The following CIT variants were observed in gnomAD, a reference collection of about 807,000 sequenced individuals.
CIT encodes the protein citron rho-interacting serine/threonine kinase.
CIT carries 79 observed loss-of-function variants against 272.7 expected under a neutral mutation model. The observed-to-expected ratio is 0.29, with a 90% confidence interval of 0.24 to 0.35. The LOEUF is 0.35. Among genes scored for constraint, CIT ranks in the 10% least tolerant of loss-of-function variants. The pLI, the probability that CIT is intolerant of heterozygous loss-of-function variation, is 1.00. For missense variants in CIT, 1,909 were observed against 2,618.3 expected, an observed-to-expected ratio of 0.73 and a Z score of 5.91; for synonymous variants, 948 against 995.6, an observed-to-expected ratio of 0.95 and a Z score of 0.90.
At chr12:119,814,479 T>C (rs1438428309) in intron 9 of CIT, among the ~76,000 whole-genome samples, 1 of 152,136 alleles carries the variant, frequency 6.6e-6, no homozygotes, top group Non-Finnish European at 1.5e-5. Context: ...TACTTTACCA[T>C]CCCATCCCTC....
chr12:119,702,171 C>T (rs1208135639), intron 41 of CIT, among the ~76,000 whole-genome samples: 2 of 151,464 alleles, frequency 1.3e-5, no homozygotes, highest in African/African-American at 4.9e-5. Context: ...GTGGTGTGAT[C>T]ATAGCTCACT....
At chr12:119,839,804 G>A (rs1015529516) in intron 5 of CIT, among the ~76,000 whole-genome samples, 1 of 152,086 alleles carries the variant, frequency 6.6e-6, no homozygotes, top group Admixed American at 6.6e-5. Context: ...AATAAACTTG[G>A]GATGATGAAG....
At chr12:119,720,966 T>A (rs57630280) in intron 29 of CIT, among the ~76,000 whole-genome samples, 3,685 of 152,164 alleles carry the variant, frequency 0.024, 149 homozygotes, top group African/African-American at 0.084. Context: ...TGCAGACTTA[T>A]TTATTTATTT....
intron 32 of CIT, 143 bp from the exon 33 acceptor site, chr12:119,714,477 T>A: frequency 2.5e-6 from 2 of 809,476 alleles, no homozygotes; most frequent in Non-Finnish European, 3.7e-6. Context: ...CATAAAGAAC[T>A]CTTACAACTC....
intron 18 of CIT, among the ~76,000 whole-genome samples, chr12:119,767,755 A>G (rs945503427): frequency 1.1e-4 from 16 of 152,212 alleles, no homozygotes; most frequent in African/African-American, 3.9e-4. Context: ...TAATGTTCAT[A>G]TGATACAATG....
chr12:119,802,923 C>A (rs1044686226), intron 10 of CIT, among the ~76,000 whole-genome samples: 3 of 152,188 alleles, frequency 2.0e-5, no homozygotes, highest in Non-Finnish European at 4.4e-5. Flanking sequence ...CCCACTCTCT[C>A]CCCTTTAAAG....
intron 3 of CIT, among the ~76,000 whole-genome samples, chr12:119,864,652 T>C (rs1221154679): frequency 6.6e-6 from 1 of 152,214 alleles, no homozygotes. Context: ...AGTTTTAGTA[T>C]AACACTGCTG....
In CIT at chr12:119,687,718, G is replaced by A. The variant is rs565163538; in HGVS notation, c.*514C>T. On this transcript the variant is annotated 3_prime_UTR_variant, in exon 48 of 48. Transcript: ENST00000392521. ...CACTATGCCTCGGTGGCAAAGACCT[G>A]ATGATGTGGTCGAGCTAAAAATGAC... 1 of 149,366 alleles carries A rather than the reference G, an allele frequency of 6.7e-6. No homozygotes were observed. The highest frequency in any genetic ancestry group is 1.4e-5 in the Non-Finnish European group (1 of 69,148). 9.3% of individuals were successfully genotyped at this position (149,366 alleles called of 1,614,324 possible).
At chr12:119,799,337 C>T (rs1202609932) in intron 10 of CIT, among the ~76,000 whole-genome samples, 1 of 152,202 alleles carries the variant, frequency 6.6e-6, no homozygotes, top group Admixed American at 6.5e-5. Flanking sequence ...TCATCCATCC[C>T]CGCAAAAGTC....
At chr12:119,769,294 T>C (rs1962825016) in intron 18 of CIT, among the ~76,000 whole-genome samples, 1 of 152,216 alleles carries the variant, frequency 6.6e-6, no homozygotes, top group African/African-American at 2.4e-5. Flanking sequence ...AGAGCAGATA[T>C]TCTAAAAATC....
chr12:119,807,810 G>T (rs1593822994), intron 9 of CIT, among the ~76,000 whole-genome samples: 1 of 151,466 alleles, frequency 6.6e-6, no homozygotes, highest in Admixed American at 6.6e-5. Context: ...AGCTCCCCCA[G>T]CTGCCACATA....
chr12:119,759,050 C>T lies in CIT; in HGVS notation c.2422-350G>A, dbSNP rs148629934. On this transcript the variant is annotated intron_variant, in intron 20 of 47. Transcript: ENST00000392521. ...GTCTCTTAACTCAAATCTGCACATT[C>T]GCATTTATCACCACCTCCTCGAGGG... Among the ~76,000 whole-genome samples the T allele has an allele frequency of 3.2e-3, 491 of 152,288 alleles. 3 individuals are homozygous for T. The highest frequency in any genetic ancestry group is 0.011 in the African/African-American group (463 of 41,562).
intron 3 of CIT, among the ~76,000 whole-genome samples, chr12:119,862,550 G>T (rs1383532950): frequency 6.6e-6 from 1 of 151,740 alleles, no homozygotes; most frequent in East Asian, 1.9e-4. Flanking sequence ...GCTGGCCACA[G>T]TGGCTCCCGC....
chr12:119,739,329 C>G (rs1482348040), intron 24 of CIT, among the ~76,000 whole-genome samples: 1 of 152,110 alleles, frequency 6.6e-6, no homozygotes. Flanking sequence ...ATGGTCTGAG[C>G]TTGAAAATCT....
chr12:119,725,373 C>T (rs1958036765), intron 28 of CIT, among the ~76,000 whole-genome samples: 1 of 151,920 alleles, frequency 6.6e-6, no homozygotes, highest in African/African-American at 2.4e-5. Flanking sequence ...TTGCAGTGAG[C>T]CAAGATCACG....
Position 119,775,910 on chromosome 12 carries a change from T to C in CIT, c.1888-71A>G, listed in dbSNP as rs1164759325. 7.1e-6 allele frequency: 9 copies of C among 1,260,658 alleles called. No individual in the cohort carries two copies. In the African/African-American group the frequency reaches 1.0e-4, roughly 15 times the overall value. 78.1% of individuals were successfully genotyped at this position (1,260,658 alleles called of 1,614,324 possible). ...TAACATCTTGCTACATTTATTGCAGTCCTATTCTCTTGAGGTTTCTATGGG... is the reference window on the plus strand; with the variant it reads ...TAACATCTTGCTACATTTATTGCAGCCCTATTCTCTTGAGGTTTCTATGGG... On this transcript the variant is annotated intron_variant, in intron 15 of 47. Transcript: ENST00000392521.
chr12:119,868,819 T>G (rs1470979994), intron 3 of CIT, among the ~76,000 whole-genome samples: 2 of 152,240 alleles, frequency 1.3e-5, no homozygotes, highest in Non-Finnish European at 2.9e-5. Context: ...ATTATAGGTA[T>G]GAGCCATTGC....
intron 13 of CIT, chr12:119,782,066 A>T (rs1964344039): frequency 6.5e-6 from 1 of 153,084 alleles, no homozygotes; most frequent in African/African-American, 2.4e-5. Context: ...TGTGTTCCAA[A>T]AAAAAAACAC....
chr12:119,696,458 G>T (rs1295054614), intron 46 of CIT, among the ~76,000 whole-genome samples: 1 of 152,156 alleles, frequency 6.6e-6, no homozygotes, highest in Non-Finnish European at 1.5e-5. Flanking sequence ...AATTGCCAGT[G>T]GTCCCGTTGC....
Sources: gnomAD v4.1 joint callset for allele counts (sites outside exome capture counted in the v4.1 genomes callset) on GRCh38, gnomAD v4.1.1 for gene constraint, MANE v1.5 for transcripts, NCBI Gene and HGNC (gene_info 2026-07-23, HGNC 2026-07-21) for gene names.